KIAA1143: variants seen among roughly 807,000 people sequenced by gnomAD.
KIAA1143 encodes the protein uncharacterized protein KIAA1143.
In KIAA1143, 8 loss-of-function variants were observed where a neutral mutation model predicts 17.0. The ratio of observed to expected loss-of-function variants is 0.47; its 90% confidence interval spans 0.28 to 0.85. The LOEUF (loss-of-function observed/expected upper bound fraction) is 0.85. Among genes scored for constraint, KIAA1143 ranks in the 40% least tolerant of loss-of-function variants. KIAA1143 has a pLI of 0.12. For synonymous variants in KIAA1143, 64 were observed against 67.8 expected (o/e 0.94, Z 0.27); for missense variants, 162 against 183.3 (o/e 0.88, Z 0.67).
chr3:44,757,157 C>A (rs1704985393), intron 1 of KIAA1143, among the ~76,000 whole-genome samples: 1 of 152,222 alleles, frequency 6.6e-6, no homozygotes, highest in Non-Finnish European at 1.5e-5. Context: ...CATACAGGGT[C>A]ATCACCAGGA....
intron 1 of KIAA1143, among the ~76,000 whole-genome samples, chr3:44,759,696 C>T (rs745460353): frequency 3.3e-5 from 5 of 151,810 alleles, no homozygotes; most frequent in Non-Finnish European, 7.4e-5. Context: ...GAGTTTGAGA[C>T]CAGCCTTGGC....
Position 44,756,887 on chromosome 3 carries a change from A to G in KIAA1143, c.109-2519T>C, listed in dbSNP as rs144288183. Among the ~76,000 whole-genome samples, 383 of 152,346 alleles carry G rather than the reference A, an allele frequency of 2.5e-3. 2 individuals are homozygous for G. Among genetic ancestry groups the G allele is most frequent in the Non-Finnish European group, 4.2e-3 (286 of 68,028 alleles). ...TTATATAGTAAACTTCATCATAGGT[A>G]TATATGTATGGGAAAAAACATAGTA... On this transcript the variant is annotated intron_variant, in intron 1 of 2. Coordinates refer to ENST00000296121, the MANE Select transcript of KIAA1143 (RefSeq NM_020696.4).
Position 44,761,575 on chromosome 3 carries a change from C to A in KIAA1143, c.28G>T (p.Val10Leu). 1 of 1,613,538 alleles carries A rather than the reference C, an allele frequency of 6.2e-7. No homozygotes were observed. The highest frequency in any genetic ancestry group is 8.5e-7 in the Non-Finnish European group (1 of 1,179,992). MSKRNQVSY[V>L]RPAEPAFLAR... The stretch of plus-strand genomic sequence containing the variant: ...AGAAACGCCGGCTCGGCTGGCCGCA[C>A]GTACGATACCTGGTTCCGCTTGCTC... Residue 10 changes from valine to leucine, a missense_variant, in exon 1 of 3, where the codon GTG becomes TTG. This residue lies in a region of KIAA1143 where 137 missense variants were observed against 132.5 expected (regional missense o/e 1.03). Coordinates refer to ENST00000296121, the MANE Select transcript of KIAA1143 (RefSeq NM_020696.4).
rs1425373992 is a variant in KIAA1143, at chr3:44,750,084, T to TAG, written c.*3256_*3257insCT. On this transcript the variant is annotated 3_prime_UTR_variant, in exon 3 of 3. Coordinates refer to ENST00000296121, the MANE Select transcript of KIAA1143 (RefSeq NM_020696.4). ...GATTACAAGCATGAGCCATTGTGTCTGGCCTGGGTGATTCTTTATCTGACA... is the reference window on the plus strand; with the variant it reads ...GATTACAAGCATGAGCCATTGTGTCTAGGGCCTGGGTGATTCTTTATCTGACA... 1 of 152,212 alleles carries TAG rather than the reference T, an allele frequency of 6.6e-6. No homozygotes were observed. Among genetic ancestry groups the TAG allele is most frequent in the African/African-American group, 2.4e-5 (1 of 41,444 alleles). 9.4% of individuals were successfully genotyped at this position (152,212 alleles called of 1,614,324 possible). A position where few individuals can be genotyped will look rare whatever the true frequency, so the allele number is the denominator to read the frequency against.
chr3:44,751,838 C>T lies in KIAA1143; in HGVS notation c.*1503G>A, dbSNP rs1704895883. On this transcript the variant is annotated 3_prime_UTR_variant, in exon 3 of 3. Transcript: ENST00000296121. ...CACCACCGGCCATCAAGAAGCTACC[C>T]TGTCTCCCCTAGACAAAGCAGGGTG... 3 of 152,344 alleles carry T rather than the reference C, an allele frequency of 2.0e-5. No individual in the cohort carries two copies. In the South Asian group the frequency reaches 6.2e-4, roughly 32 times the overall value. 9.4% of individuals were successfully genotyped at this position (152,344 alleles called of 1,614,324 possible).
chr3:44,759,772 G>A (rs958930293), intron 1 of KIAA1143, among the ~76,000 whole-genome samples: 11 of 151,720 alleles, frequency 7.3e-5, no homozygotes, highest in African/African-American at 2.7e-4. Flanking sequence ...GTTCATGCCT[G>A]TAGTCCCAGC....
intron 1 of KIAA1143, among the ~76,000 whole-genome samples, chr3:44,759,894 CAAAA>C (rs527806223): frequency 1.2e-4 from 6 of 51,102 alleles, no homozygotes; most frequent in Non-Finnish European, 1.1e-4. Context: ...GACCCTATCT[CAAAA>C]AAAAAAAAAA....
Position 44,761,552 on chromosome 3 carries a change from A to C in KIAA1143, c.51T>G (p.Phe17Leu). ...VSYVRPAEPA[F>L]LARFKERVGY... ...CGACCCGTTCCTTGAAGCGGGCCAG[A>C]AACGCCGGCTCGGCTGGCCGCACGT... Residue 17 changes from phenylalanine (F) to leucine (L), a missense_variant, in exon 1 of 3, where the codon TTT becomes TTG. Around this residue, in one of 2 missense-constraint regions of KIAA1143, gnomAD observed 137 missense variants for 132.5 expected, o/e 1.03. Coordinates refer to ENST00000296121, the MANE Select transcript of KIAA1143 (RefSeq NM_020696.4). The C allele has an allele frequency of 1.2e-6, 2 of 1,614,168 alleles. No homozygotes were observed. Among genetic ancestry groups the C allele is most frequent in the Non-Finnish European group, 1.7e-6 (2 of 1,180,038 alleles).
chr3:44,757,036 A>G (rs1704983578), intron 1 of KIAA1143, among the ~76,000 whole-genome samples: 1 of 152,186 alleles, frequency 6.6e-6, no homozygotes, highest in Non-Finnish European at 1.5e-5. Flanking sequence ...CTCTAAGGGA[A>G]ATTCCCTTGA....
Position 44,749,633 on chromosome 3 carries a change from C to T in KIAA1143, c.*3708G>A, listed in dbSNP as rs1704866842. ...TACCCCAACATTTGGAGAAATCTCTCACTAGATGGCCTTTCAAATAAATGA... is the reference window on the plus strand; with the variant it reads ...TACCCCAACATTTGGAGAAATCTCTTACTAGATGGCCTTTCAAATAAATGA... On this transcript the variant is annotated 3_prime_UTR_variant, in exon 3 of 3. Coordinates refer to ENST00000296121, the MANE Select transcript of KIAA1143 (RefSeq NM_020696.4). The T allele has an allele frequency of 6.6e-6, 1 of 152,072 alleles. No homozygotes were observed. The highest frequency in any genetic ancestry group is 6.6e-5 in the Admixed American group (1 of 15,266). The allele number at this position is 152,072 out of a possible 1,614,324, so 9.4% of individuals were successfully genotyped here.
chr3:44,756,457 G>A (rs1401364567), intron 1 of KIAA1143, among the ~76,000 whole-genome samples: 1 of 152,162 alleles, frequency 6.6e-6, no homozygotes, highest in Non-Finnish European at 1.5e-5. Flanking sequence ...CACCTACTTG[G>A]GTGGCTGAGG....
At chr3:44,759,647 G>A (rs1457666212) in intron 1 of KIAA1143, among the ~76,000 whole-genome samples, 2 of 151,942 alleles carry the variant, frequency 1.3e-5, no homozygotes, top group Non-Finnish European at 2.9e-5. Flanking sequence ...TTTTTGAGAG[G>A]CTTTGAGAGG....
rs566383673 is a variant in KIAA1143, at chr3:44,753,020, C to T, written c.*321G>A. On this transcript the variant is annotated 3_prime_UTR_variant, in exon 3 of 3. Coordinates refer to ENST00000296121, the MANE Select transcript of KIAA1143 (RefSeq NM_020696.4). Reference sequence around the variant, plus strand: ...TCGTAATGCAATGTCAAGTGAGAAGCAGGACAAAGAACATTTGCAATACAG... The same window carrying T: ...TCGTAATGCAATGTCAAGTGAGAAGTAGGACAAAGAACATTTGCAATACAG... 1.1e-5 allele frequency: 2 copies of T among 173,958 alleles called. No homozygotes were observed. Among genetic ancestry groups the T allele is most frequent in the Non-Finnish European group, 2.4e-5 (2 of 82,474 alleles). 10.8% of individuals were successfully genotyped at this position (173,958 alleles called of 1,614,324 possible).
chr3:44,758,481 CAGA>C (rs1705010002), intron 1 of KIAA1143, among the ~76,000 whole-genome samples: 1 of 152,138 alleles, frequency 6.6e-6, no homozygotes, highest in East Asian at 1.9e-4. Flanking sequence ...GCATCTTCAC[CAGA>C]AGTAGATTCC....
chr3:44,755,817 G>A (rs1163218506), intron 1 of KIAA1143, among the ~76,000 whole-genome samples: 7 of 152,192 alleles, frequency 4.6e-5, no homozygotes, highest in Non-Finnish European at 8.8e-5. Flanking sequence ...CACAAAGCCT[G>A]GAAAACAGCA....
intron 1 of KIAA1143, among the ~76,000 whole-genome samples, chr3:44,756,956 T>C (rs1704982262): frequency 6.6e-6 from 1 of 152,164 alleles, no homozygotes; most frequent in South Asian, 2.1e-4. Context: ...TGGAACATAA[T>C]GGGGGAATAC....
chr3:44,761,571 C>G lies in KIAA1143; in HGVS notation c.32G>C (p.Arg11Pro), dbSNP rs747415909. The G allele has an allele frequency of 1.9e-6, 3 of 1,613,714 alleles. No individual in the cohort carries two copies. The highest frequency in any genetic ancestry group is 2.5e-6 in the Non-Finnish European group (3 of 1,180,024). MSKRNQVSYV[R>P]PAEPAFLARF... ...GGCCAGAAACGCCGGCTCGGCTGGC[C>G]GCACGTACGATACCTGGTTCCGCTT... Residue 11 changes from arginine to proline, a missense_variant, in exon 1 of 3, where the codon CGG becomes CCG. Physicochemically the swap from Arg to Pro is moderately radical, Grantham distance 103 (BLOSUM62 -2). Around this residue, in one of 2 missense-constraint regions of KIAA1143, gnomAD observed 137 missense variants for 132.5 expected, o/e 1.03. Coordinates refer to ENST00000296121, the MANE Select transcript of KIAA1143 (RefSeq NM_020696.4).
chr3:44,754,500 G>A (rs1018288908), intron 1 of KIAA1143, 132 bp from the exon 2 acceptor site: 2 of 848,722 alleles, frequency 2.4e-6, no homozygotes, highest in East Asian at 5.0e-5. Context: ...TGAATTTTAA[G>A]GTAACTCCAA....
At chr3:44,760,361 C>T (rs539967006) in intron 1 of KIAA1143, among the ~76,000 whole-genome samples, 4 of 152,308 alleles carry the variant, frequency 2.6e-5, no homozygotes, top group African/African-American at 9.6e-5. Flanking sequence ...TATTTAGACC[C>T]AGGATATTTA....
Sources: gnomAD v4.1 joint callset for allele counts (sites outside exome capture counted in the v4.1 genomes callset) on GRCh38, gnomAD v4.1.1 for gene constraint, gnomAD v4.1.1 regional missense constraint, MANE v1.5 for transcripts, NCBI Gene and HGNC (gene_info 2026-07-23, HGNC 2026-07-21) for gene names.